Variants in RALYL observed in about 807,000 individuals in gnomAD.
RALYL encodes RNA-binding Raly-like protein.
A neutral mutation model predicts 35.1 loss-of-function variants in RALYL; 29 were observed. The ratio of observed to expected loss-of-function variants is 0.83; its 90% CI spans 0.61 to 1.13. RALYL has a LOEUF of 1.13. Ranked by LOEUF, RALYL falls within the 50% of genes most tolerant of loss-of-function variation. The pLI is 0.00. For missense variants in RALYL, 359 were observed against 360.4 expected (o/e 1.00, Z 0.03); for synonymous variants, 120 against 127.6 (o/e 0.94, Z 0.40).
chr8:84,727,961 T>C (rs1323688977), intron 2 of RALYL, among the ~76,000 whole-genome samples: 2 of 152,034 alleles, frequency 1.3e-5, no homozygotes, highest in Non-Finnish European at 2.9e-5. Context: ...TATAGCAGCA[T>C]GATTTATCGT....
At chr8:84,723,894 G>A (rs775344504) in intron 2 of RALYL, among the ~76,000 whole-genome samples, 48 of 151,638 alleles carry the variant, frequency 3.2e-4, no homozygotes, top group Admixed American at 9.9e-4. Context: ...TTATCATGCT[G>A]TAAATTATAT....
chr8:84,732,668 T>TTATATATATATATA lies in RALYL; in HGVS notation c.257-41908_257-41895dup, dbSNP rs1554553641. ...TTTTATTATCATAATTATTAAATAA[T>TTATATATATATATA]TATATATATATATATACACACACAC... is the stretch of plus-strand genomic sequence containing the variant. On this transcript the variant is annotated intron_variant, in intron 2 of 8. Transcript: ENST00000521268. 8.9e-4 allele frequency among the ~76,000 whole-genome samples: 118 copies of TTATATATATATATA among 132,486 alleles called. 1 individual carries two copies. The highest frequency in any genetic ancestry group is 3.6e-3 in the African/African-American group (113 of 31,482). The allele number at this position is 132,486 out of a possible 152,430, so 86.9% of individuals were successfully genotyped here. A position where few individuals can be genotyped will look rare whatever the true frequency, so the allele number is the denominator to read the frequency against.
At chr8:84,245,837 G>T (rs910090015) in intron 1 of RALYL, among the ~76,000 whole-genome samples, 2 of 152,064 alleles carry the variant, frequency 1.3e-5, no homozygotes, top group Non-Finnish European at 2.9e-5. Flanking sequence ...TAAAGGTTAT[G>T]AGAAGGCTGA....
At chr8:84,285,066 T>C (rs1005131312) in intron 1 of RALYL, among the ~76,000 whole-genome samples, 1 of 152,192 alleles carries the variant, frequency 6.6e-6, no homozygotes, top group African/African-American at 2.4e-5. Context: ...TATGATTGTA[T>C]ATGATGTTGG....
intron 4 of RALYL, among the ~76,000 whole-genome samples, chr8:84,821,041 T>C (rs1486161397): frequency 6.6e-6 from 1 of 152,158 alleles, no homozygotes; most frequent in East Asian, 1.9e-4. Context: ...TCGGCTACCT[T>C]CAACTCATCT....
intron 1 of RALYL, among the ~76,000 whole-genome samples, chr8:84,354,796 T>C (rs1473027227): frequency 2.0e-5 from 3 of 150,226 alleles, no homozygotes; most frequent in East Asian, 1.9e-4. Flanking sequence ...GGGATTTTTA[T>C]GTTTATTACA....
intron 2 of RALYL, among the ~76,000 whole-genome samples, chr8:84,554,992 A>G (rs940851353): frequency 1.1e-4 from 16 of 152,068 alleles, no homozygotes; most frequent in Non-Finnish European, 2.2e-4. Flanking sequence ...TAGCTATAAA[A>G]TATGTTGGCC....
intron 2 of RALYL, among the ~76,000 whole-genome samples, chr8:84,740,160 C>T (rs1848022510): frequency 6.6e-6 from 1 of 151,970 alleles, no homozygotes; most frequent in Admixed American, 6.6e-5. Context: ...AGGCAACTAG[C>T]TTAGTTTTCT....
intron 1 of RALYL, among the ~76,000 whole-genome samples, chr8:84,204,838 A>G (rs190595522): frequency 6.6e-6 from 1 of 152,192 alleles, no homozygotes; most frequent in Non-Finnish European, 1.5e-5. Context: ...TAAATAATAT[A>G]TAACACTTAT....
chr8:84,613,767 T>A (rs1225140653), intron 2 of RALYL, among the ~76,000 whole-genome samples: 2 of 151,174 alleles, frequency 1.3e-5, no homozygotes, highest in African/African-American at 4.9e-5. Flanking sequence ...CATTATAGGT[T>A]TTTTAGTCTC....
chr8:84,304,960 A>G (rs1841510724), intron 1 of RALYL, among the ~76,000 whole-genome samples: 1 of 152,138 alleles, frequency 6.6e-6, no homozygotes, highest in Non-Finnish European at 1.5e-5. Context: ...TTTATTGTTC[A>G]GTTATATCAT....
intron 3 of RALYL, among the ~76,000 whole-genome samples, chr8:84,785,118 G>A (rs1045956686): frequency 6.6e-6 from 1 of 152,146 alleles, no homozygotes; most frequent in Non-Finnish European, 1.5e-5. Context: ...GAGTTTGGGG[G>A]TGCTTTTTGT....
chr8:84,450,020 G>T (rs1183836606), intron 1 of RALYL, among the ~76,000 whole-genome samples: 1 of 151,682 alleles, frequency 6.6e-6, no homozygotes, highest in Non-Finnish European at 1.5e-5. Context: ...AAAAAAAAAT[G>T]AACAAATGAG....
At chr8:84,776,074 T>A (rs940586025) in intron 3 of RALYL, among the ~76,000 whole-genome samples, 12 of 152,220 alleles carry the variant, frequency 7.9e-5, no homozygotes, top group Non-Finnish European at 1.5e-4. Flanking sequence ...TTCTCTGATA[T>A]CATTTGGATA....
intron 1 of RALYL, among the ~76,000 whole-genome samples, chr8:84,292,221 G>T (rs1838896867): frequency 6.6e-6 from 1 of 152,084 alleles, no homozygotes; most frequent in Non-Finnish European, 1.5e-5. Context: ...TGAGGAGGTA[G>T]GTATGTGCAA....
chr8:84,249,074 T>G (rs960044670), intron 1 of RALYL, among the ~76,000 whole-genome samples: 1 of 152,040 alleles, frequency 6.6e-6, no homozygotes, highest in African/African-American at 2.4e-5. Context: ...TCAATATTAT[T>G]TTAAAAAGAA....
Position 84,873,379 on chromosome 8 carries a change from C to T in RALYL, c.667C>T (p.Gln223Ter). Residue 223 changes from glutamine to a stop codon, truncating the protein, a stop_gained, in exon 7 of 9, where the codon CAG (glutamine) becomes TAG (stop). Coordinates refer to ENST00000521268, the MANE Select transcript of RALYL (RefSeq NM_173848.7). LOFTEE classifies it high-confidence loss of function. Reference protein sequence around the residue: ...LLGRLEKIEKQQKAEAEAQKK... With the variant: ...LLGRLEKIEK ...AGGGCGCCTGGAGAAGATTGAGAAA[C>T]AGCAGAAGGCGGAGGCAGGTAAGTG... is the stretch of plus-strand genomic sequence containing the variant. 6.3e-7 allele frequency: 1 copy of T among 1,594,632 alleles called. No individual in the cohort carries two copies. Among genetic ancestry groups the T allele is most frequent in the Non-Finnish European group, 8.6e-7 (1 of 1,169,378 alleles).
intron 1 of RALYL, among the ~76,000 whole-genome samples, chr8:84,307,660 T>C (rs1315196619): frequency 3.3e-5 from 5 of 152,154 alleles, no homozygotes; most frequent in African/African-American, 1.2e-4. Flanking sequence ...TTTGAAGGGC[T>C]GCTAAACAAA....
intron 1 of RALYL, among the ~76,000 whole-genome samples, chr8:84,322,983 G>T (rs923076041): frequency 6.6e-6 from 1 of 151,976 alleles, no homozygotes; most frequent in African/African-American, 2.4e-5. Context: ...TTGGGTAATG[G>T]GATGAAGATT....
Sources: allele counts gnomAD v4.1 joint callset (sites outside exome capture counted in the v4.1 genomes callset), GRCh38; gene constraint gnomAD v4.1.1; transcripts MANE v1.5; gene names NCBI Gene and HGNC (gene_info 2026-07-23, HGNC 2026-07-21).